The following PARD3 variants were observed in gnomAD, a reference collection of about 807,000 sequenced individuals.
PARD3 encodes partitioning defective 3 homolog.
PARD3 carries 75 observed loss-of-function variants against 155.4 expected under a neutral mutation model. The ratio of observed to expected loss-of-function variants is 0.48; its 90% CI spans 0.40 to 0.58. The LOEUF is 0.58. Among genes scored for constraint, PARD3 ranks in the 20% least tolerant of loss-of-function variants. PARD3 has a pLI of 0.00. For missense variants in PARD3, 1,642 were observed against 1,721.7 expected (o/e 0.95, Z 0.82); for synonymous variants, 576 against 610.5 (o/e 0.94, Z 0.83).
intron 3 of PARD3, among the ~76,000 whole-genome samples, chr10:34,499,958 AGTT>A (rs377053597): frequency 3.3e-5 from 5 of 152,372 alleles, no homozygotes; most frequent in African/African-American, 1.2e-4. Flanking sequence ...CTATGTAAAT[AGTT>A]GTTATACTGT....
At chr10:34,750,925 G>C (rs921799355) in intron 1 of PARD3, among the ~76,000 whole-genome samples, 1 of 152,170 alleles carries the variant, frequency 6.6e-6, no homozygotes, top group Non-Finnish European at 1.5e-5. Flanking sequence ...CTGACCTCAA[G>C]TGATCTTCCC....
rs535962099 is a variant in PARD3, at chr10:34,646,696, C to T, written c.222+49622G>A. Among the ~76,000 whole-genome samples, 42 of 152,278 alleles carry T rather than the reference C, an allele frequency of 2.8e-4. No individual in the cohort carries two copies. In the South Asian group the frequency reaches 8.3e-3, roughly 30 times the overall value. On this transcript the variant is annotated intron_variant, in intron 2 of 24. Coordinates refer to ENST00000374788, the MANE Select transcript of PARD3 (RefSeq NM_001184785.2). ...TTTTCGTGTGCGTGAGACAAGGTCTCGTTCTGTCGCCCAGGCTGGAGTGCA... is the reference window on the plus strand; with the variant it reads ...TTTTCGTGTGCGTGAGACAAGGTCTTGTTCTGTCGCCCAGGCTGGAGTGCA...
At position 34,311,890 on chromosome 10, in the gene PARD3, C is replaced by T. The variant is rs1268751105; in HGVS notation, c.3065+5217G>A. On this transcript the variant is annotated intron_variant, in intron 20 of 24. Transcript: ENST00000374788. Reference sequence around the variant, plus strand: ...TCCCTGATGGGTGACTGTACCAGCCCACACACCTCTTTGCCTCTGCCCTGA... The same window carrying T: ...TCCCTGATGGGTGACTGTACCAGCCTACACACCTCTTTGCCTCTGCCCTGA... 2.0e-5 allele frequency among the ~76,000 whole-genome samples: 3 copies of T among 152,288 alleles called. No individual in the cohort carries two copies. In the East Asian group the frequency reaches 5.8e-4, roughly 29 times the overall value.
At chr10:34,756,427 A>T (rs1197114401) in intron 1 of PARD3, among the ~76,000 whole-genome samples, 1 of 142,410 alleles carries the variant, frequency 7.0e-6, no homozygotes. Context: ...TGCTGGGATT[A>T]CAGGCTTGAG....
chr10:34,578,747 T>C (rs1037141508), intron 2 of PARD3, among the ~76,000 whole-genome samples: 19 of 152,334 alleles, frequency 1.2e-4, no homozygotes, highest in African/African-American at 4.1e-4. Flanking sequence ...ACTTCTCAAA[T>C]ACACTCAATC....
At chr10:34,753,969 A>G (rs111511118) in intron 1 of PARD3, among the ~76,000 whole-genome samples, 1 of 152,174 alleles carries the variant, frequency 6.6e-6, no homozygotes, top group Non-Finnish European at 1.5e-5. Context: ...CGTAGAAAAA[A>G]CAAAAATAGT....
At chr10:34,577,670 G>T (rs1482761348) in intron 2 of PARD3, among the ~76,000 whole-genome samples, 1 of 151,978 alleles carries the variant, frequency 6.6e-6, no homozygotes, top group Non-Finnish European at 1.5e-5. Context: ...GTAAAATGGG[G>T]ATGAAAAAAA....
intron 22 of PARD3, among the ~76,000 whole-genome samples, chr10:34,205,713 G>A (rs968343592): frequency 6.6e-6 from 1 of 152,150 alleles, no homozygotes; most frequent in African/African-American, 2.4e-5. Context: ...CTGAAGATGG[G>A]CAGGGACTCA....
At chr10:34,457,743 G>A (rs183227021) in intron 4 of PARD3, among the ~76,000 whole-genome samples, 19 of 152,194 alleles carry the variant, frequency 1.2e-4, no homozygotes, top group African/African-American at 4.6e-4. Context: ...TAAGACTACG[G>A]GTGCAAGCCA....
chr10:34,419,569 A>G (rs1845998250), intron 5 of PARD3, among the ~76,000 whole-genome samples: 1 of 152,206 alleles, frequency 6.6e-6, no homozygotes, highest in Admixed American at 6.5e-5. Flanking sequence ...ATTTAAGGCA[A>G]GGAAAACCAA....
At chr10:34,598,946 A>G (rs929951462) in intron 2 of PARD3, among the ~76,000 whole-genome samples, 2 of 151,952 alleles carry the variant, frequency 1.3e-5, no homozygotes, top group African/African-American at 2.4e-5. Flanking sequence ...CCAGAACTGC[A>G]CACACAGAAC....
intron 8 of PARD3, 51 bp downstream of exon 8, chr10:34,384,078 C>T: frequency 6.3e-7 from 1 of 1,576,676 alleles, no homozygotes; most frequent in Non-Finnish European, 8.7e-7. Context: ...TGACTGCACT[C>T]TGTCATGCCT....
chr10:34,618,275 C>T (rs1487834397), intron 2 of PARD3, among the ~76,000 whole-genome samples: 2 of 152,152 alleles, frequency 1.3e-5, no homozygotes, highest in Non-Finnish European at 2.9e-5. Context: ...TAACCTAAGA[C>T]CTCCCAATAT....
At chr10:34,262,321 C>T (rs949127971) in intron 22 of PARD3, among the ~76,000 whole-genome samples, 3 of 151,972 alleles carry the variant, frequency 2.0e-5, no homozygotes, top group Non-Finnish European at 2.9e-5. Flanking sequence ...TTCTGGAGTG[C>T]AGTGCTATGA....
At chr10:34,747,340 T>C (rs781135902) in intron 1 of PARD3, among the ~76,000 whole-genome samples, 7 of 152,174 alleles carry the variant, frequency 4.6e-5, no homozygotes, top group Admixed American at 3.9e-4. Flanking sequence ...AGGTGGCAAT[T>C]CGTTTTCCAT....
chr10:34,672,636 T>C (rs760308025), intron 2 of PARD3, among the ~76,000 whole-genome samples: 64 of 152,194 alleles, frequency 4.2e-4, no homozygotes, highest in Non-Finnish European at 7.6e-4. Context: ...TGAGCTATGA[T>C]CACACTACTG....
intron 1 of PARD3, among the ~76,000 whole-genome samples, chr10:34,761,010 T>C (rs1486646794): frequency 6.6e-6 from 1 of 152,196 alleles, no homozygotes; most frequent in Non-Finnish European, 1.5e-5. Context: ...TATTTCTTTA[T>C]ATATGATCCT....
chr10:34,709,266 G>A (rs879284991), intron 1 of PARD3, among the ~76,000 whole-genome samples: 48 of 152,096 alleles, frequency 3.2e-4, no homozygotes, highest in African/African-American at 9.9e-4. Context: ...TTTTTTACAC[G>A]AAACCAAGTT....
intron 1 of PARD3, among the ~76,000 whole-genome samples, chr10:34,737,657 C>T (rs772426936): frequency 6.6e-5 from 10 of 152,180 alleles, no homozygotes; most frequent in South Asian, 2.1e-4. Context: ...TCCCCCACCA[C>T]GTGAGTGCTC....
Sources: allele counts gnomAD v4.1 joint callset (sites outside exome capture counted in the v4.1 genomes callset), GRCh38; gene constraint gnomAD v4.1.1; transcripts MANE v1.5; gene names NCBI Gene and HGNC (gene_info 2026-07-23, HGNC 2026-07-21).